CCDC30: variants seen among roughly 807,000 people sequenced by gnomAD.
CCDC30 encodes coiled-coil domain containing 30, also known as coiled-coil domain-containing protein 30.
A neutral mutation model predicts 100.2 loss-of-function variants in CCDC30; 70 were observed. The observed-to-expected ratio is 0.70, with a 90% CI of 0.58 to 0.85. The LOEUF (loss-of-function observed/expected upper bound fraction) is 0.85, where lower values mean the gene tolerates loss of function less well. Among genes scored for constraint, CCDC30 ranks in the 40% least tolerant of loss-of-function variants. CCDC30 has a pLI of 0.00. For synonymous variants in CCDC30, 233 were observed against 269.5 expected (o/e 0.86, Z 1.33); for missense variants, 652 against 771.2 (o/e 0.85, Z 1.83).
intron 6 of CCDC30, among the ~76,000 whole-genome samples, chr1:42,531,034 G>A (rs187480796): frequency 4.1e-4 from 62 of 152,294 alleles, no homozygotes; most frequent in African/African-American, 1.3e-3. Flanking sequence ...ATTTCATGTT[G>A]AATTGTAATA....
At chr1:42,576,982 AC>A (rs1645850827) in intron 7 of CCDC30, 37 bp from the exon 12 acceptor site, 1 of 1,465,160 alleles carries the variant, frequency 6.8e-7, no homozygotes, top group Non-Finnish European at 9.5e-7. Context: ...TTCATTCCAC[AC>A]TTATTTGTAT....
chr1:42,625,270 T>C (rs919758329), intron 11 of CCDC30, among the ~76,000 whole-genome samples: 2 of 152,144 alleles, frequency 1.3e-5, no homozygotes, highest in African/African-American at 4.8e-5. Flanking sequence ...GGATCTTCTC[T>C]TTTTCTTAGC....
chr1:42,510,540 C>T (rs911946809), intron 6 of CCDC30, among the ~76,000 whole-genome samples: 1 of 152,000 alleles, frequency 6.6e-6, no homozygotes, highest in Non-Finnish European at 1.5e-5. Flanking sequence ...GCCTGTGGTC[C>T]CAGCTACTTG....
chr1:42,510,240 A>G lies in CCDC30; in HGVS notation c.456+11324A>G, dbSNP rs143740374. ...TTTTCTCTTTTCCTTTTGACCTACC[A>G]TAGGAGACAGATTGCTCATCTCCAA... On this transcript the variant is annotated intron_variant, in intron 6 of 16. Transcript: ENST00000668663. 7.4e-3 allele frequency: 3,758 copies of G among 507,466 alleles called. 13 individuals are homozygous for G. The highest frequency in any genetic ancestry group is 8.8e-3 in the Non-Finnish European group (3,458 of 393,130). 31.4% of individuals were successfully genotyped at this position (507,466 alleles called of 1,614,324 possible).
chr1:42,600,558 C>G (rs1383730529), intron 10 of CCDC30, among the ~76,000 whole-genome samples: 1 of 152,134 alleles, frequency 6.6e-6, no homozygotes, highest in Non-Finnish European at 1.5e-5. Flanking sequence ...CCATAAAACA[C>G]AAATTAACAA....
At chr1:42,563,339 C>A (rs1281027280) in intron 6 of CCDC30, among the ~76,000 whole-genome samples, 1 of 152,066 alleles carries the variant, frequency 6.6e-6, no homozygotes, top group Non-Finnish European at 1.5e-5. Context: ...TCATCCTCAG[C>A]AAACTAACAC....
chr1:42,463,687 G>T lies in CCDC30; in HGVS notation c.-303G>T, dbSNP rs913659923. On this transcript the variant is annotated 5_prime_UTR_variant, in exon 1 of 17. In the 5' UTR this introduces an upstream ATG that the reference lacks. Transcript: ENST00000668663. ...GTCGGCGTTCCTTTTCTCACTTAAA[G>T]GTGAGGTGTCGAGACGCGCCCCTGG... 1.3e-5 allele frequency: 2 copies of T among 152,194 alleles called. No individual in the cohort carries two copies. Among genetic ancestry groups the T allele is most frequent in the Non-Finnish European group, 2.9e-5 (2 of 68,058 alleles). 9.4% of individuals were successfully genotyped at this position (152,194 alleles called of 1,614,324 possible). A position where few individuals can be genotyped will look rare whatever the true frequency, so the allele number is the denominator to read the frequency against.
intron 6 of CCDC30, among the ~76,000 whole-genome samples, chr1:42,526,784 T>A (rs1443074490): frequency 6.6e-6 from 1 of 152,200 alleles, no homozygotes; most frequent in Non-Finnish European, 1.5e-5. Context: ...ATTTTTAAAT[T>A]TTTCTTTACA....
At chr1:42,490,201 G>A in exon 4 of CCDC30, 2 of 1,211,720 alleles carry the variant, frequency 1.7e-6, no homozygotes, top group Non-Finnish European at 2.1e-6. Context: ...ACAAATTGAA[G>A]GAAAATTTGG....
chr1:42,619,610 G>A (rs1041291512), intron 11 of CCDC30, among the ~76,000 whole-genome samples: 1 of 143,244 alleles, frequency 7.0e-6, no homozygotes, highest in Non-Finnish European at 1.6e-5. Flanking sequence ...AGCAAAGGTG[G>A]TCTTGTTATA....
At chr1:42,536,349 C>A (rs1335365881) in intron 6 of CCDC30, 127 bp from the exon 7 acceptor site, 6 of 563,322 alleles carry the variant, frequency 1.1e-5, no homozygotes, top group Non-Finnish European at 1.8e-5. Flanking sequence ...GAGCTATAAA[C>A]TAGTTTTCCT....
chr1:42,589,887 C>A (rs1345778702), intron 10 of CCDC30: 1 of 157,246 alleles, frequency 6.4e-6, no homozygotes, highest in African/African-American at 2.4e-5. Flanking sequence ...ACAAACAAAC[C>A]TGTTTCTTCT....
chr1:42,617,578 G>T (rs1200886085), intron 11 of CCDC30, among the ~76,000 whole-genome samples: 8 of 152,150 alleles, frequency 5.3e-5, no homozygotes, highest in African/African-American at 1.7e-4. Flanking sequence ...TTGATGATAG[G>T]GGTTTTTAAG....
At chr1:42,533,383 T>C (rs1644837624) in intron 6 of CCDC30, among the ~76,000 whole-genome samples, 1 of 152,076 alleles carries the variant, frequency 6.6e-6, no homozygotes, top group African/African-American at 2.4e-5. Flanking sequence ...AATAAAGGAT[T>C]AATTAGGTTG....
At chr1:42,507,926 A>T (rs1031474067) in intron 6 of CCDC30, among the ~76,000 whole-genome samples, 1 of 152,252 alleles carries the variant, frequency 6.6e-6, no homozygotes, top group Non-Finnish European at 1.5e-5. Context: ...AATTAAAGTC[A>T]CATTAACTAA....
intron 7 of CCDC30, among the ~76,000 whole-genome samples, chr1:42,567,512 G>A (rs577292113): frequency 3.9e-5 from 6 of 152,252 alleles, no homozygotes; most frequent in East Asian, 1.9e-4. Flanking sequence ...ACAAATATCC[G>A]TTTATCCCAA....
intron 1 of CCDC30, among the ~76,000 whole-genome samples, chr1:42,471,464 A>G (rs572440840): frequency 3.0e-4 from 45 of 152,204 alleles, no homozygotes; most frequent in Admixed American, 1.1e-3. Context: ...TGGTGTTTAC[A>G]TAGTTATAAT....
intron 12 of CCDC30, among the ~76,000 whole-genome samples, chr1:42,639,548 G>A (rs1405190624): frequency 2.6e-5 from 4 of 152,168 alleles, no homozygotes; most frequent in Non-Finnish European, 5.9e-5. Flanking sequence ...GAGGCTGAGA[G>A]AATAATTGGA....
chr1:42,618,323 G>A (rs1296938940), intron 11 of CCDC30, among the ~76,000 whole-genome samples: 2 of 136,364 alleles, frequency 1.5e-5, no homozygotes, highest in Admixed American at 8.4e-5. Context: ...CGCAACCTCC[G>A]CCTCTCAGGT....
Sources: gnomAD v4.1 joint callset for allele counts (sites outside exome capture counted in the v4.1 genomes callset) on GRCh38, gnomAD v4.1.1 for gene constraint, MANE v1.5 for transcripts, NCBI Gene and HGNC (gene_info 2026-07-23, HGNC 2026-07-21) for gene names.